The following TENM3 variants were observed in gnomAD, a reference collection of about 807,000 sequenced individuals.
TENM3 encodes the protein teneurin-3.
In TENM3, 63 loss-of-function variants were observed where a neutral mutation model predicts 255.1. The observed-to-expected ratio is 0.25, with a 90% CI of 0.20 to 0.30. The LOEUF is 0.30. Ranked by LOEUF, TENM3 falls within the 10% of genes least tolerant of loss-of-function variation. The pLI is 1.00. For synonymous variants in TENM3, 1,306 were observed against 1,322.3 expected (o/e 0.99, Z 0.27); for missense variants, 2,929 against 3,461.1 (o/e 0.85, Z 3.86).
the TENM3 span, among the ~76,000 whole-genome samples, chr4:181,868,386 C>T: frequency 2.9e-4 from 44 of 152,122 alleles, no homozygotes; most frequent in African/African-American, 9.6e-4. Flanking sequence ...TTAAAAAAGA[C>T]GAAATTGAGA....
intron 1 of TENM3, among the ~76,000 whole-genome samples, chr4:182,221,452 C>T (rs1755847686): frequency 1.3e-5 from 2 of 152,310 alleles, no homozygotes; most frequent in East Asian, 1.9e-4. Context: ...CCCAAAATCT[C>T]GTGGTGGGCC....
At chr4:181,579,985 TTTTATTTTATTTTA>T in the TENM3 span, among the ~76,000 whole-genome samples, 2 of 132,948 alleles carry the variant, frequency 1.5e-5, no homozygotes. Flanking sequence ...TTTTATTTTA[TTTTATTTTATTTTA>T]TTTTATTTAT....
chr4:182,739,863 CTG>C (rs1380280392), intron 18 of TENM3, among the ~76,000 whole-genome samples: 2 of 152,130 alleles, frequency 1.3e-5, no homozygotes, highest in Non-Finnish European at 2.9e-5. Context: ...TGATAAAACC[CTG>C]TCTCTACAAA....
chr4:181,984,409 T>C, the TENM3 span, among the ~76,000 whole-genome samples: 1 of 152,240 alleles, frequency 6.6e-6, no homozygotes, highest in Non-Finnish European at 1.5e-5. Context: ...AAAATAGTAC[T>C]ATTTTCTATT....
At chr4:182,613,783 T>G (rs1303682141) in intron 4 of TENM3, among the ~76,000 whole-genome samples, 1 of 152,218 alleles carries the variant, frequency 6.6e-6, no homozygotes, top group Non-Finnish European at 1.5e-5. Context: ...ACTAATATAT[T>G]GATATTGCAC....
At chr4:181,852,966 A>G in the TENM3 span, among the ~76,000 whole-genome samples, 1 of 152,244 alleles carries the variant, frequency 6.6e-6, no homozygotes. Flanking sequence ...ATAAGAATAA[A>G]TAATAAAAGC....
At chr4:181,526,649 G>A in the TENM3 span, among the ~76,000 whole-genome samples, 1 of 150,924 alleles carries the variant, frequency 6.6e-6, no homozygotes, top group Non-Finnish European at 1.5e-5. Context: ...TTTTGTGGTA[G>A]TAGTGGTGGT....
chr4:182,625,403 G>A (rs535556931), intron 4 of TENM3, among the ~76,000 whole-genome samples: 9 of 152,262 alleles, frequency 5.9e-5, no homozygotes, highest in African/African-American at 9.6e-5. Flanking sequence ...TGTGAACTGC[G>A]CATGTGAGGG....
At chr4:181,732,095 T>C in the TENM3 span, among the ~76,000 whole-genome samples, 1 of 152,238 alleles carries the variant, frequency 6.6e-6, no homozygotes, top group African/African-American at 2.4e-5. Context: ...AATTTGCTTA[T>C]GAGGCGATTT....
chr4:182,180,386 T>C (rs1752766351), intron 1 of TENM3, among the ~76,000 whole-genome samples: 1 of 152,186 alleles, frequency 6.6e-6, no homozygotes, highest in Non-Finnish European at 1.5e-5. Flanking sequence ...TGTTACACTT[T>C]AGTTATCTTT....
At chr4:181,775,004 A>G in the TENM3 span, among the ~76,000 whole-genome samples, 1 of 135,870 alleles carries the variant, frequency 7.4e-6, no homozygotes, top group African/African-American at 3.3e-5. Flanking sequence ...TTTGCTGTGC[A>G]GAGGTGGCTG....
At chr4:182,573,881 T>G (rs2152030383) in intron 3 of TENM3, among the ~76,000 whole-genome samples, 1 of 152,276 alleles carries the variant, frequency 6.6e-6, no homozygotes, top group Admixed American at 6.5e-5. Context: ...CAGAAATTTT[T>G]TTCACACTTG....
chr4:182,167,650 A>T (rs1162464722), intron 1 of TENM3, among the ~76,000 whole-genome samples: 3 of 152,162 alleles, frequency 2.0e-5, no homozygotes, highest in Admixed American at 6.5e-5. Context: ...AGGCTGGTGG[A>T]TTGCTAGAGC....
At chr4:182,229,909 G>A (rs1207003188) in intron 1 of TENM3, among the ~76,000 whole-genome samples, 6 of 152,152 alleles carry the variant, frequency 3.9e-5, no homozygotes, top group Non-Finnish European at 7.4e-5. Flanking sequence ...ACTGTCGTTA[G>A]TTATCTCAAC....
the TENM3 span, among the ~76,000 whole-genome samples, chr4:182,018,441 G>T: frequency 6.6e-6 from 1 of 152,170 alleles, no homozygotes; most frequent in Non-Finnish European, 1.5e-5. Flanking sequence ...AATGGATGGG[G>T]ATTATTTGCT....
At chr4:182,107,114 C>G in the TENM3 span, among the ~76,000 whole-genome samples, 1 of 151,476 alleles carries the variant, frequency 6.6e-6, no homozygotes, top group Non-Finnish European at 1.5e-5. Context: ...TCACTGTGCG[C>G]TGGTTAGTAC....
At chr4:182,559,794 C>CAGT (rs373876303) in intron 3 of TENM3, among the ~76,000 whole-genome samples, 3 of 152,050 alleles carry the variant, frequency 2.0e-5, no homozygotes, top group African/African-American at 7.2e-5. Context: ...TAGAGAGTAA[C>CAGT]TAGCCCCATG....
chr4:182,100,736 CAT>C, the TENM3 span, among the ~76,000 whole-genome samples: 5 of 130,694 alleles, frequency 3.8e-5, no homozygotes, highest in East Asian at 4.3e-4. Context: ...CATATATACA[CAT>C]ATATATACAC....
At chr4:181,888,516 G>GTATATATATATA in the TENM3 span, among the ~76,000 whole-genome samples, 1 of 41,518 alleles carries the variant, frequency 2.4e-5, no homozygotes, top group Non-Finnish European at 4.4e-5. Flanking sequence ...ATATATATAT[G>GTATATATATATA]TATATATATA....
Sources: gnomAD v4.1 joint callset for allele counts (sites outside exome capture counted in the v4.1 genomes callset) on GRCh38, gnomAD v4.1.1 for gene constraint, MANE v1.5 for transcripts, NCBI Gene and HGNC (gene_info 2026-07-23, HGNC 2026-07-21) for gene names.